UBASH3B: variants seen among roughly 807,000 people sequenced by gnomAD.
UBASH3B encodes ubiquitin-associated and SH3 domain-containing protein B.
A neutral mutation model predicts 83.4 loss-of-function variants in UBASH3B; 37 were observed. That is an observed-to-expected ratio of 0.44 (90% CI 0.34 to 0.58). The LOEUF (loss-of-function observed/expected upper bound fraction) is 0.58. Among genes scored for constraint, UBASH3B ranks in the 20% least tolerant of loss-of-function variants. The pLI is 0.01. For synonymous variants in UBASH3B, 304 were observed against 318.3 expected, an observed-to-expected ratio of 0.96 and a Z score of 0.48; for missense variants, 657 against 827.2, an observed-to-expected ratio of 0.79 and a Z score of 2.52.
Position 122,758,565 on chromosome 11 carries a change from A to G in UBASH3B, c.162-17654A>G, listed in dbSNP as rs924235980. On this transcript the variant is annotated intron_variant, in intron 1 of 13. Transcript: ENST00000284273. The surrounding 1 kb of genome is among the most constrained non-coding windows in gnomAD (Gnocchi z 4.2). ...GCCGTAGAACACCGACCCTGTGCCA[A>G]ACTCAGAGCTAAGCATGTCACATAA... Among the ~76,000 whole-genome samples the G allele has an allele frequency of 2.6e-5, 4 of 152,232 alleles. No homozygotes were observed. The highest frequency in any genetic ancestry group is 6.5e-5 in the Admixed American group (1 of 15,292).
rs1448946587 is a variant in UBASH3B at position 122,758,785 on chromosome 11, A to C, written c.162-17434A>C. On this transcript the variant is annotated intron_variant, in intron 1 of 13. Transcript: ENST00000284273. The surrounding 1 kb of genome is among the most constrained non-coding windows in gnomAD (Gnocchi z 4.2). Reference sequence around the variant, plus strand: ...TTAACTGATGGCAGGAGCGAAATGCAATGAATTCAGATCAGCAATTTCCAC... The same window carrying C: ...TTAACTGATGGCAGGAGCGAAATGCCATGAATTCAGATCAGCAATTTCCAC... 6.6e-6 allele frequency among the ~76,000 whole-genome samples: 1 copy of C among 152,234 alleles called. No homozygotes were observed. The highest frequency in any genetic ancestry group is 1.5e-5 in the Non-Finnish European group (1 of 68,042).
At chr11:122,705,377 C>T (rs1202262558) in intron 1 of UBASH3B, among the ~76,000 whole-genome samples, 3 of 149,918 alleles carry the variant, frequency 2.0e-5, no homozygotes, top group Non-Finnish European at 4.4e-5. Context: ...ACCTGGGAGG[C>T]AGAGGTTGCA....
chr11:122,784,392 G>A (rs1860911980), intron 5 of UBASH3B, among the ~76,000 whole-genome samples: 1 of 152,164 alleles, frequency 6.6e-6, no homozygotes, highest in Non-Finnish European at 1.5e-5. Flanking sequence ...AGGCATGGTG[G>A]CTGTCACCTA....
At chr11:122,805,644 G>C (rs1861328008) in intron 11 of UBASH3B, among the ~76,000 whole-genome samples, 1 of 152,130 alleles carries the variant, frequency 6.6e-6, no homozygotes, top group South Asian at 2.1e-4. Context: ...CACGAGAACA[G>C]CACAGGAAAG....
intron 1 of UBASH3B, among the ~76,000 whole-genome samples, chr11:122,725,342 A>AAAAAAAAAAAAAAAG (rs71281633): frequency 1.8e-3 from 235 of 130,726 alleles, no homozygotes; most frequent in East Asian, 3.1e-3. Flanking sequence ...AAAAAAAAAA[A>AAAAAAAAAAAAAAAG]AAGAAAAGAA....
At chr11:122,802,167 T>G (rs1591331325) in intron 11 of UBASH3B, among the ~76,000 whole-genome samples, 1 of 151,864 alleles carries the variant, frequency 6.6e-6, no homozygotes, top group South Asian at 2.1e-4. Flanking sequence ...ATACAAAAAT[T>G]AGCTGGGCGT....
At position 122,808,194 on chromosome 11, in the gene UBASH3B, T is replaced by A. The variant is rs768122362; in HGVS notation, c.1812+18T>A. On this transcript the variant is annotated intron_variant, in intron 13 of 13. Transcript: ENST00000284273. ...TCCGAAAGGTAATTCATTCTCGTAC[T>A]TTGGGGTCCGTGATGGCTAGTAGTT... 4.4e-6 allele frequency: 7 copies of A among 1,603,336 alleles called. No homozygotes were observed. Among genetic ancestry groups the A allele is most frequent in the South Asian group, 1.1e-5 (1 of 90,772 alleles).
intron 1 of UBASH3B, among the ~76,000 whole-genome samples, chr11:122,748,287 G>A (rs1464798054): frequency 6.6e-6 from 1 of 152,150 alleles, no homozygotes; most frequent in Non-Finnish European, 1.5e-5. Flanking sequence ...TTCTTTCATT[G>A]TTTTAACTTT....
intron 5 of UBASH3B, among the ~76,000 whole-genome samples, chr11:122,784,269 G>A (rs1252330716): frequency 6.6e-6 from 1 of 152,074 alleles, no homozygotes; most frequent in African/African-American, 2.4e-5. Flanking sequence ...GAGAAGCTGA[G>A]ACACAAAAAA....
chr11:122,712,292 T>C (rs1864204669), intron 1 of UBASH3B, among the ~76,000 whole-genome samples: 1 of 152,136 alleles, frequency 6.6e-6, no homozygotes, highest in South Asian at 2.1e-4. Flanking sequence ...GATGGCCATA[T>C]TGTCCTCAAA....
intron 1 of UBASH3B, among the ~76,000 whole-genome samples, chr11:122,699,531 C>CTTTCTTTCTTTCTTTCTT (rs200613782): frequency 3.7e-4 from 40 of 107,936 alleles, no homozygotes; most frequent in East Asian, 2.5e-3. Context: ...TTCTTTCTTT[C>CTTTCTTTCTTTCTTTCTT]TCTTTCTTTC....
At chr11:122,692,522 G>A (rs1209813761) in intron 1 of UBASH3B, among the ~76,000 whole-genome samples, 1 of 152,194 alleles carries the variant, frequency 6.6e-6, no homozygotes, top group East Asian at 1.9e-4. Context: ...ATATTCAGGG[G>A]GTATGGTGGG....
intron 5 of UBASH3B, among the ~76,000 whole-genome samples, chr11:122,787,373 G>A (rs919248056): frequency 6.6e-6 from 1 of 152,184 alleles, no homozygotes; most frequent in Non-Finnish European, 1.5e-5. Context: ...GAGCAGGGAA[G>A]ACCTAGAACT....
At chr11:122,735,823 G>A (rs1378481758) in intron 1 of UBASH3B, among the ~76,000 whole-genome samples, 1 of 152,192 alleles carries the variant, frequency 6.6e-6, no homozygotes, top group African/African-American at 2.4e-5. Context: ...GATGTAGGGG[G>A]CATGAGAGCG....
chr11:122,771,748 A>AACAC (rs58950220), intron 1 of UBASH3B, among the ~76,000 whole-genome samples: 4,047 of 147,154 alleles, frequency 0.028, 58 homozygotes, highest in Middle Eastern at 0.066. Flanking sequence ...GCTGTGTTAA[A>AACAC]ACACACACAC....
Position 122,656,018 on chromosome 11 carries a change from C to G in UBASH3B, c.-32C>G. On this transcript the variant is annotated 5_prime_UTR_variant, in exon 1 of 14. Transcript: ENST00000284273. ...TCCTTCCCGAACCATCCGGCTCGGGCTCCTTCCCTGGCGATGGCTGGCCGC... is the reference window on the plus strand; with the variant it reads ...TCCTTCCCGAACCATCCGGCTCGGGGTCCTTCCCTGGCGATGGCTGGCCGC... 1 of 1,522,762 alleles carries G rather than the reference C, an allele frequency of 6.6e-7. No individual in the cohort carries two copies. Among genetic ancestry groups the G allele is most frequent in the Non-Finnish European group, 8.8e-7 (1 of 1,132,978 alleles). The allele number at this position is 1,522,762 out of a possible 1,614,324, so 94.3% of individuals were successfully genotyped here.
chr11:122,742,113 C>T lies in UBASH3B; in HGVS notation c.162-34106C>T, dbSNP rs559822103. 1.0e-3 allele frequency among the ~76,000 whole-genome samples: 154 copies of T among 152,372 alleles called. 1 individual carries two copies. The highest frequency in any genetic ancestry group is 3.4e-3 in the Middle Eastern group (1 of 294). On this transcript the variant is annotated intron_variant, in intron 1 of 13. Transcript: ENST00000284273. ...AGTCCAAGGTCTTCTCAGGGATCCG[C>T]TTCCTCCAGGAAGATTCTTCCTCAC...
intron 1 of UBASH3B, chr11:122,727,453 AC>A (rs943757540): frequency 2.0e-5 from 3 of 152,134 alleles, no homozygotes; most frequent in Admixed American, 2.0e-4. Context: ...GAGGGGCGAA[AC>A]TAGATGATCC....
intron 1 of UBASH3B, among the ~76,000 whole-genome samples, chr11:122,668,586 A>G (rs1863551717): frequency 6.6e-6 from 1 of 152,212 alleles, no homozygotes; most frequent in African/African-American, 2.4e-5. Flanking sequence ...GGTAAGAACA[A>G]GCGATATTCT....
Sources: allele counts gnomAD v4.1 joint callset (sites outside exome capture counted in the v4.1 genomes callset), GRCh38; gene constraint gnomAD v4.1.1; non-coding constraint Gnocchi (gnomAD v3.1); transcripts MANE v1.5; gene names NCBI Gene and HGNC (gene_info 2026-07-23, HGNC 2026-07-21).